Variants in FNTB observed in about 807,000 individuals in gnomAD.
The protein encoded by FNTB is protein farnesyltransferase subunit beta.
In FNTB, 27 loss-of-function variants were observed where a neutral mutation model predicts 59.4. The observed-to-expected ratio is 0.45, with a 90% confidence interval of 0.34 to 0.63. The LOEUF (loss-of-function observed/expected upper bound fraction) is 0.63, where lower values mean the gene tolerates loss of function less well. Among genes scored for constraint, FNTB ranks in the 20% least tolerant of loss-of-function variants. The pLI is 0.02. For missense variants in FNTB, 449 were observed against 559.6 expected (o/e 0.80, Z 1.99); for synonymous variants, 230 against 220.7 (o/e 1.04, Z -0.37).
Position 65,012,253 on chromosome 14 carries a change from C to T in FNTB, c.210-64C>T, listed in dbSNP as rs75959394. 2.0e-3 allele frequency: 3,136 copies of T among 1,604,068 alleles called. 41 individuals carry two copies. In the African/African-American group the frequency reaches 0.031, roughly 16 times the overall value. ...GTTTACCCGTGTGTGTGTACGTGCA[C>T]ATACGTGTGTATGGTGGAAGCATAA... On this transcript the variant is annotated intron_variant, in intron 2 of 11. Coordinates refer to ENST00000246166, the MANE Select transcript of FNTB (RefSeq NM_002028.4). The surrounding 1 kb of genome is among the most constrained non-coding windows in gnomAD (Gnocchi z 5.0).
chr14:65,027,218 A>G lies in FNTB; in HGVS notation c.375-235A>G, dbSNP rs899931285. ...TTCCCAGCCTTGTGTTCCCTGCTTC[A>G]TGACCAACAAGCGCTTAAGTACGAA... On this transcript the variant is annotated intron_variant, in intron 4 of 11. Transcript: ENST00000246166. This position sits in a 1 kb window ranked among gnomAD's most constrained non-coding sequence, Gnocchi z 5.7. Among the ~76,000 whole-genome samples the G allele has an allele frequency of 2.0e-5, 3 of 152,208 alleles. No homozygotes were observed. Among genetic ancestry groups the G allele is most frequent in the Admixed American group, 6.5e-5 (1 of 15,278 alleles).
At chr14:65,042,892 A>G (rs560063273) in intron 8 of FNTB, among the ~76,000 whole-genome samples, 1 of 152,304 alleles carries the variant, frequency 6.6e-6, no homozygotes, top group African/African-American at 2.4e-5. Flanking sequence ...TTTAAGATCA[A>G]CCGAGGATAT....
chr14:65,046,903 TA>T (rs1315039268), intron 9 of FNTB, among the ~76,000 whole-genome samples: 2 of 151,738 alleles, frequency 1.3e-5, no homozygotes, highest in Admixed American at 6.6e-5. Flanking sequence ...ATTTCTTGCA[TA>T]AAAAAAGACA....
At chr14:65,010,502 C>A (rs564754458) in intron 2 of FNTB, among the ~76,000 whole-genome samples, 3 of 152,232 alleles carry the variant, frequency 2.0e-5, no homozygotes, top group Non-Finnish European at 4.4e-5. Flanking sequence ...CACACTAGTT[C>A]GGGCCCTAAG....
intron 1 of FNTB, among the ~76,000 whole-genome samples, chr14:64,988,542 C>T (rs1383032959): frequency 6.7e-6 from 1 of 149,880 alleles, no homozygotes; most frequent in Admixed American, 6.7e-5. Context: ...TCACGCCATT[C>T]GCCTGCCTCA....
intron 1 of FNTB, among the ~76,000 whole-genome samples, chr14:65,002,295 A>G (rs1329737570): frequency 1.3e-5 from 2 of 152,316 alleles, no homozygotes; most frequent in East Asian, 3.9e-4. Flanking sequence ...CCATTGCCTG[A>G]TGCACTCAGC....
rs1595053413 is a variant in FNTB at position 65,027,879 on chromosome 14, G to T, written c.605+98G>T. ...TAAGGAACATCATGGGGAAGCTGCTGCTTTGTCCCAGAATGACACATGGGA... is the reference window on the plus strand; with the variant it reads ...TAAGGAACATCATGGGGAAGCTGCTTCTTTGTCCCAGAATGACACATGGGA... On this transcript the variant is annotated intron_variant, in intron 6 of 11. Transcript: ENST00000246166. The surrounding 1 kb of genome is among the most constrained non-coding windows in gnomAD (Gnocchi z 5.7). The T allele has an allele frequency of 6.6e-7, 1 of 1,505,450 alleles. No individual in the cohort carries two copies. The highest frequency in any genetic ancestry group is 2.3e-5 in the East Asian group (1 of 43,148). The allele number at this position is 1,505,450 out of a possible 1,614,324, so 93.3% of individuals were successfully genotyped here.
chr14:64,995,102 A>G (rs1052094911), intron 1 of FNTB, among the ~76,000 whole-genome samples: 21 of 152,202 alleles, frequency 1.4e-4, no homozygotes, highest in Admixed American at 7.2e-4. Context: ...AAACCAAGAC[A>G]CAAACGCACA....
At chr14:65,006,135 C>G in intron 2 of FNTB, 1 of 1,596,238 alleles carries the variant, frequency 6.3e-7, no homozygotes, top group East Asian at 2.3e-5. Flanking sequence ...ATAGGTCCAG[C>G]TTTGTTTGTT....
chr14:65,055,549 C>A (rs2062716323), intron 11 of FNTB, among the ~76,000 whole-genome samples: 1 of 151,874 alleles, frequency 6.6e-6, no homozygotes, highest in Non-Finnish European at 1.5e-5. Context: ...CAAAGTCTCA[C>A]TCTGTCACCC....
At chr14:65,038,844 A>G (rs2062276553) in intron 7 of FNTB, among the ~76,000 whole-genome samples, 1 of 152,030 alleles carries the variant, frequency 6.6e-6, no homozygotes, top group South Asian at 2.1e-4. Flanking sequence ...TTATTTTTGT[A>G]ATCCTATTTT....
chr14:64,986,941 T>C lies in FNTB; in HGVS notation c.-13T>C, dbSNP rs553529626. 5 of 1,614,210 alleles carry C rather than the reference T, an allele frequency of 3.1e-6. No homozygotes were observed. In the African/African-American group the frequency reaches 6.7e-5, roughly 22 times the overall value. ...AAGCAGAGTCCTACACACTGTCTGC[T>C]GCTCTCCTGATCATGGCTTCTCCGA... is the stretch of plus-strand genomic sequence containing the variant. On this transcript the variant is annotated 5_prime_UTR_variant, in exon 1 of 12. Transcript: ENST00000246166.
Position 65,012,310 on chromosome 14 carries a change from T to G in FNTB, c.210-7T>G. 1 of 1,614,096 alleles carries G rather than the reference T, an allele frequency of 6.2e-7. No individual in the cohort carries two copies. On this transcript the variant is annotated splice_polypyrimidine_tract_variant and splice_region_variant and intron_variant, in intron 2 of 11. Coordinates refer to ENST00000246166, the MANE Select transcript of FNTB (RefSeq NM_002028.4). This position sits in a 1 kb window ranked among gnomAD's most constrained non-coding sequence, Gnocchi z 5.0. ...AGAATGGGCTTATAAACTGTTTGTCTTTCCAGGCTTGTTTTGCAGAGGGAG... is the reference window on the plus strand; with the variant it reads ...AGAATGGGCTTATAAACTGTTTGTCGTTCCAGGCTTGTTTTGCAGAGGGAG...
At chr14:65,026,936 G>A (rs1218614448) in intron 4 of FNTB, among the ~76,000 whole-genome samples, 3 of 152,124 alleles carry the variant, frequency 2.0e-5, no homozygotes, top group Non-Finnish European at 4.4e-5. Flanking sequence ...AGGCTTAGGT[G>A]GCAATGGGAG....
At position 64,989,505 on chromosome 14, in the gene FNTB, C is replaced by CA. The variant is rs568503023; in HGVS notation, c.144+2408_144+2409insA. Among the ~76,000 whole-genome samples, 294 of 151,060 alleles carry CA rather than the reference C, an allele frequency of 1.9e-3. 2 individuals carry two copies. Among genetic ancestry groups the CA allele is most frequent in the African/African-American group, 6.8e-3 (281 of 41,082 alleles). On this transcript the variant is annotated intron_variant, in intron 1 of 11. Transcript: ENST00000246166. ...TGGGCAACATAGCAAGACCCTGTGT[C>CA]TATTTAAGATGAAAGCTTTTCAAAT...
chr14:65,048,686 C>T (rs926314263), intron 9 of FNTB, among the ~76,000 whole-genome samples: 2 of 152,126 alleles, frequency 1.3e-5, no homozygotes, highest in Admixed American at 6.5e-5. Flanking sequence ...GAGCTTGTCT[C>T]TACAAAAAAT....
Position 65,049,263 on chromosome 14 carries a change from A to G in FNTB, c.956-3975A>G, listed in dbSNP as rs538943952. Among the ~76,000 whole-genome samples, 18 of 152,254 alleles carry G rather than the reference A, an allele frequency of 1.2e-4. 1 individual carries two copies. In the South Asian group the frequency reaches 3.7e-3, roughly 32 times the overall value. ...TTGGCTTGGTAGTTACTGGTTTCTT[A>G]TATGTTCTTTTGGACATACCCTGGA... On this transcript the variant is annotated intron_variant, in intron 9 of 11. Transcript: ENST00000246166.
At chr14:65,040,966 G>A in intron 8 of FNTB, 47 bp downstream of exon 8, 1 of 1,601,844 alleles carries the variant, frequency 6.2e-7, no homozygotes, top group Non-Finnish European at 8.5e-7. Context: ...AGGTCATGGT[G>A]ATGTGATTGT....
At chr14:65,051,226 T>C (rs1566575342) in intron 9 of FNTB, among the ~76,000 whole-genome samples, 1 of 152,214 alleles carries the variant, frequency 6.6e-6, no homozygotes, top group Non-Finnish European at 1.5e-5. Flanking sequence ...CTGGCCACTG[T>C]CCCTCACCTA....
Sources: gnomAD v4.1 joint callset for allele counts (sites outside exome capture counted in the v4.1 genomes callset) on GRCh38, gnomAD v4.1.1 for gene constraint, Gnocchi (gnomAD v3.1) non-coding constraint, MANE v1.5 for transcripts, NCBI Gene and HGNC (gene_info 2026-07-23, HGNC 2026-07-21) for gene names.